PDZD2: variants seen among roughly 807,000 people sequenced by gnomAD.
The protein encoded by PDZD2 is PDZ domain containing 2, also known as PDZ domain-containing protein 2.
In PDZD2, 90 loss-of-function variants were observed where a neutral mutation model predicts 220.7. The ratio of observed to expected loss-of-function variants is 0.41; its 90% confidence interval spans 0.34 to 0.49. PDZD2 has a LOEUF of 0.49. Ranked by LOEUF, PDZD2 falls within the 20% of genes least tolerant of loss-of-function variation. PDZD2 has a pLI of 0.28. For missense variants in PDZD2, 3,174 were observed against 3,608.5 expected, an observed-to-expected ratio of 0.88 and a Z score of 3.08; for synonymous variants, 1,375 against 1,450.5, an observed-to-expected ratio of 0.95 and a Z score of 1.18.
chr5:31,915,093 C>G (rs1743565293), intron 2 of PDZD2, among the ~76,000 whole-genome samples: 1 of 152,162 alleles, frequency 6.6e-6, no homozygotes, highest in Non-Finnish European at 1.5e-5. Flanking sequence ...GATACCGTTA[C>G]TTTCTAAACA....
At chr5:31,775,790 G>A (rs1456757208) in intron 1 of PDZD2, among the ~76,000 whole-genome samples, 1 of 151,910 alleles carries the variant, frequency 6.6e-6, no homozygotes, top group Non-Finnish European at 1.5e-5. Context: ...AGCCTAGTAG[G>A]TGGAAAAACT....
rs750348452 is a variant in PDZD2, at chr5:32,090,674, C to A, written c.7226C>A (p.Thr2409Asn). Residue 2409 changes from threonine to asparagine, a missense_variant, in exon 20 of 25, where the codon ACC becomes AAC. This residue lies in a region of PDZD2 where 631 missense variants were observed against 789.9 expected (regional missense o/e 0.80). Coordinates refer to ENST00000438447, the MANE Select transcript of PDZD2 (RefSeq NM_178140.4). This position sits in a 1 kb window ranked among gnomAD's most constrained non-coding sequence, Gnocchi z 4.3. ...AGCGAAAACCAAAGCGAAGCCGGCA[C>A]CCTCCTGCCCCAGATGGCCAAGTCT... Reference protein sequence around the residue: ...SCSENQSEAGTLLPQMAKSPS... With the variant: ...SCSENQSEAGNLLPQMAKSPS... 1 of 1,614,130 alleles carries A rather than the reference C, an allele frequency of 6.2e-7. No individual in the cohort carries two copies.
At chr5:32,058,240 A>T (rs1325028265) in intron 12 of PDZD2, 137 bp downstream of exon 12, 4 of 638,058 alleles carry the variant, frequency 6.3e-6, no homozygotes, top group Non-Finnish European at 8.5e-6. Context: ...TGGTCTCTGC[A>T]TGGGACAGTG....
rs138356494 is a variant in PDZD2 at position 32,072,673 on chromosome 5, G to A, written c.2725+356G>A. 1.4e-3 allele frequency among the ~76,000 whole-genome samples: 209 copies of A among 152,354 alleles called. 1 individual carries two copies. The highest frequency in any genetic ancestry group is 4.8e-3 in the African/African-American group (200 of 41,584). On this transcript the variant is annotated intron_variant, in intron 17 of 24. Transcript: ENST00000438447. ...TTGAACCTGGGAGACAGAGGTTGCA[G>A]TGAGCTGAGATCGCACCATTAGACA...
At chr5:32,103,672 G>C (rs570520171) in intron 24 of PDZD2, 1 of 152,346 alleles carries the variant, frequency 6.6e-6, no homozygotes, top group East Asian at 1.9e-4. Flanking sequence ...GAGGGGAGCG[G>C]GAGTGGCCGC....
intron 12 of PDZD2, among the ~76,000 whole-genome samples, chr5:32,058,794 A>G (rs1177166196): frequency 6.6e-6 from 1 of 152,168 alleles, no homozygotes; most frequent in East Asian, 1.9e-4. Context: ...TTCATGCGTG[A>G]TCACCAAATC....
At chr5:32,097,991 C>T (rs182936574) in intron 22 of PDZD2, among the ~76,000 whole-genome samples, 2 of 152,214 alleles carry the variant, frequency 1.3e-5, no homozygotes, top group South Asian at 2.1e-4. Flanking sequence ...CGGTGGCTCA[C>T]GCCTGTAATC....
At chr5:31,789,854 G>A (rs956884751) in intron 1 of PDZD2, among the ~76,000 whole-genome samples, 2 of 152,096 alleles carry the variant, frequency 1.3e-5, no homozygotes, top group African/African-American at 4.8e-5. Context: ...GAAGGTGGAG[G>A]TTGCAGTGAG....
Position 32,060,340 on chromosome 5 carries a change from G to C in PDZD2, c.2319-662G>C, listed in dbSNP as rs183080360. Reference sequence around the variant, plus strand: ...GAACATTCTTCAAATCCCATATAAAGAGTCTTTGTTCTCTCCTACTGACTT... The same window carrying C: ...GAACATTCTTCAAATCCCATATAAACAGTCTTTGTTCTCTCCTACTGACTT... On this transcript the variant is annotated intron_variant, in intron 13 of 24. Transcript: ENST00000438447. 4.6e-5 allele frequency among the ~76,000 whole-genome samples: 7 copies of C among 152,240 alleles called. No individual in the cohort carries two copies. In the East Asian group the frequency reaches 9.6e-4, roughly 21 times the overall value.
intron 20 of PDZD2, among the ~76,000 whole-genome samples, chr5:32,091,551 G>A (rs1042036694): frequency 1.3e-4 from 20 of 152,022 alleles, no homozygotes; most frequent in African/African-American, 4.1e-4. Flanking sequence ...CCAAAGTGCC[G>A]GGATTACAGG....
At chr5:31,822,145 C>T (rs1755912091) in intron 2 of PDZD2, among the ~76,000 whole-genome samples, 1 of 151,994 alleles carries the variant, frequency 6.6e-6, no homozygotes. Flanking sequence ...AATAGTGCTG[C>T]AATAAACATA....
chr5:31,896,431 C>T (rs1362805681), intron 2 of PDZD2, among the ~76,000 whole-genome samples: 1 of 151,750 alleles, frequency 6.6e-6, no homozygotes, highest in Non-Finnish European at 1.5e-5. Context: ...CTTGGGCTCA[C>T]CCACCTCAGC....
At chr5:32,053,051 C>T (rs1033868906) in intron 9 of PDZD2, among the ~76,000 whole-genome samples, 28 of 152,326 alleles carry the variant, frequency 1.8e-4, no homozygotes, top group South Asian at 1.7e-3. Flanking sequence ...AGAAGGACCG[C>T]TAAAGTGGCC....
At chr5:31,952,822 G>A (rs1390115739) in intron 2 of PDZD2, among the ~76,000 whole-genome samples, 2 of 152,166 alleles carry the variant, frequency 1.3e-5, no homozygotes, top group African/African-American at 4.8e-5. Context: ...CACTTTGGGA[G>A]GCCAAGGCAG....
intron 1 of PDZD2, among the ~76,000 whole-genome samples, chr5:31,750,011 G>C (rs1448944683): frequency 1.3e-5 from 2 of 152,176 alleles, no homozygotes; most frequent in African/African-American, 4.8e-5. Context: ...CAGGACTGCG[G>C]AATCAGGATT....
intron 2 of PDZD2, among the ~76,000 whole-genome samples, chr5:31,808,864 C>T (rs930625989): frequency 5.3e-5 from 8 of 151,972 alleles, no homozygotes; most frequent in Non-Finnish European, 1.5e-5. Context: ...CCTGTAGTTC[C>T]TGCTACTCAG....
intron 2 of PDZD2, among the ~76,000 whole-genome samples, chr5:31,954,150 T>G (rs545968249): frequency 1.3e-4 from 20 of 152,240 alleles, no homozygotes; most frequent in Non-Finnish European, 4.4e-5. Context: ...AGGAATGGTT[T>G]TGCGAGTGGT....
chr5:32,004,649 AG>A (rs1489560166), intron 5 of PDZD2, among the ~76,000 whole-genome samples: 1 of 152,226 alleles, frequency 6.6e-6, no homozygotes, highest in African/African-American at 2.4e-5. Context: ...GTCACACAGC[AG>A]TAGAAACCAG....
chr5:31,989,111 C>T (rs980713076), intron 3 of PDZD2, among the ~76,000 whole-genome samples: 9 of 152,160 alleles, frequency 5.9e-5, no homozygotes, highest in Admixed American at 2.0e-4. Flanking sequence ...ACATATATTA[C>T]GTAGTGATGA....
Sources: allele counts gnomAD v4.1 joint callset (sites outside exome capture counted in the v4.1 genomes callset), GRCh38; gene constraint gnomAD v4.1.1; regional missense constraint gnomAD v4.1.1; non-coding constraint Gnocchi (gnomAD v3.1); transcripts MANE v1.5; gene names NCBI Gene and HGNC (gene_info 2026-07-23, HGNC 2026-07-21).